The following FKBP15 variants were observed in gnomAD, a reference collection of about 807,000 sequenced individuals.
FKBP15 encodes FK506-binding protein 15.
A neutral mutation model predicts 158.1 loss-of-function variants in FKBP15; 106 were observed. That is an observed-to-expected ratio of 0.67 (90% CI 0.57 to 0.79). FKBP15 has a LOEUF of 0.79. Ranked by LOEUF, FKBP15 falls within the 30% of genes least tolerant of loss-of-function variation. FKBP15 has a pLI of 0.00. For missense variants in FKBP15, 1,287 were observed against 1,479.1 expected, an observed-to-expected ratio of 0.87 and a Z score of 2.13; for synonymous variants, 547 against 548.6, an observed-to-expected ratio of 1.00 and a Z score of 0.04.
intron 12 of FKBP15, among the ~76,000 whole-genome samples, chr9:113,189,320 T>G (rs1830535635): frequency 6.6e-6 from 1 of 152,194 alleles, no homozygotes; most frequent in African/African-American, 2.4e-5. Flanking sequence ...AATGGAACAC[T>G]GGGTTTCCTT....
chr9:113,177,466 T>C (rs931438817), intron 20 of FKBP15, among the ~76,000 whole-genome samples: 1 of 152,210 alleles, frequency 6.6e-6, no homozygotes, highest in Non-Finnish European at 1.5e-5. Context: ...ATTTGCCTCA[T>C]GTGGGCCCAG....
At position 113,165,852 on chromosome 9, in the gene FKBP15, G is replaced by C; in HGVS notation, c.*226C>G. ...AACCTACCAGTCCTTCTTCCAACTT[G>C]CTGCTGAAATCCCAGTGTTCTTGAA... On this transcript the variant is annotated 3_prime_UTR_variant, in exon 28 of 28. Coordinates refer to ENST00000238256, the MANE Select transcript of FKBP15 (RefSeq NM_015258.2). 4.3e-6 allele frequency: 2 copies of C among 466,990 alleles called. No homozygotes were observed. The highest frequency in any genetic ancestry group is 3.9e-6 in the Non-Finnish European group (1 of 254,800). The allele number at this position is 466,990 out of a possible 1,614,324, so 28.9% of individuals were successfully genotyped here. A position where few individuals can be genotyped will look rare whatever the true frequency, so the allele number is the denominator to read the frequency against.
rs754357294 is a variant in FKBP15, at chr9:113,169,684, T to G, written c.3025A>C (p.Lys1009Gln). The G allele has an allele frequency of 6.2e-7, 1 of 1,613,914 alleles. No individual in the cohort carries two copies. The highest frequency in any genetic ancestry group is 2.2e-5 in the East Asian group (1 of 44,870). The change falls in exon 26 of 28, where the codon AAA (lysine) becomes CAA (glutamine). Residue 1009 changes from lysine to glutamine, a missense_variant. Transcript: ENST00000238256. ...AGTGCCTCAGCTTCTGAGTCCCCTT[T>G]CCTTCTGTGTCCATCCTGGGAAGTG... ...LTTSQDGHRR[K>Q]GDSEAEALSE...
rs554779522 is a variant in FKBP15 at position 113,213,640 on chromosome 9, C to T, written c.54-2048G>A. On this transcript the variant is annotated intron_variant, in intron 1 of 27. Coordinates refer to ENST00000238256, the MANE Select transcript of FKBP15 (RefSeq NM_015258.2). ...AATGTCATGGGAATGAGACTGGTGG[C>T]GTTATAAGAAGAGGAAGAAAGATCT... is the stretch of plus-strand genomic sequence containing the variant. Among the ~76,000 whole-genome samples the T allele has an allele frequency of 4.6e-5, 7 of 151,428 alleles. No individual in the cohort carries two copies. The East Asian group carries it at 7.8e-4, about 17-fold the overall frequency.
intron 1 of FKBP15, among the ~76,000 whole-genome samples, chr9:113,213,929 C>G (rs1324230855): frequency 6.6e-6 from 1 of 152,098 alleles, no homozygotes; most frequent in Non-Finnish European, 1.5e-5. Context: ...GCTGTGTTAA[C>G]TCTTTAAAAC....
At chr9:113,182,027 C>T (rs1186343882) in intron 19 of FKBP15, among the ~76,000 whole-genome samples, 1 of 152,120 alleles carries the variant, frequency 6.6e-6, no homozygotes, top group Non-Finnish European at 1.5e-5. Flanking sequence ...CAAAGATTAG[C>T]ATAAGACATA....
intron 6 of FKBP15, among the ~76,000 whole-genome samples, chr9:113,200,861 T>C (rs955187565): frequency 2.6e-5 from 4 of 152,038 alleles, no homozygotes; most frequent in East Asian, 3.9e-4. Context: ...CTGGCCAACA[T>C]GGTGAAACCC....
At chr9:113,206,712 A>ATTTTTTTTTTTTTTTTTTT (rs35902681) in intron 3 of FKBP15, 134 bp from the exon 4 acceptor site, 1 of 258,370 alleles carries the variant, frequency 3.9e-6, no homozygotes, top group Non-Finnish European at 6.8e-6. Flanking sequence ...GCGGTTTAAA[A>ATTTTTTTTTTTTTTTTTTT]TTTTTTTTTT....
rs967721081 is a variant in FKBP15, at chr9:113,171,661, C to A, written c.2578G>T (p.Glu860Ter). ...AQITALTKQN[E>*]QHIKELEKNK... ...TTCTCTAGTTCCTTGATGTGCTGTT[C>A]ATTTTGCTTGGTGAGAGCTGTGATT... is the stretch of plus-strand genomic sequence containing the variant. Residue 860 changes from glutamate to a stop codon, truncating the protein, a stop_gained, in exon 24 of 28, where the codon GAA (glutamate) becomes TAA (stop). Coordinates refer to ENST00000238256, the MANE Select transcript of FKBP15 (RefSeq NM_015258.2). LOFTEE classifies it high-confidence loss of function. 1 of 1,602,828 alleles carries A rather than the reference C, an allele frequency of 6.2e-7. No individual in the cohort carries two copies. Among genetic ancestry groups the A allele is most frequent in the Non-Finnish European group, 8.5e-7 (1 of 1,174,454 alleles).
chr9:113,163,310 C>G lies in FKBP15; in HGVS notation c.*2768G>C, dbSNP rs1830047145. 1 of 158,200 alleles carries G rather than the reference C, an allele frequency of 6.3e-6. No individual in the cohort carries two copies. The highest frequency in any genetic ancestry group is 1.4e-5 in the Non-Finnish European group (1 of 71,992). The allele number at this position is 158,200 out of a possible 1,614,324, so 9.8% of individuals were successfully genotyped here. A position where few individuals can be genotyped will look rare whatever the true frequency, so the allele number is the denominator to read the frequency against. On this transcript the variant is annotated 3_prime_UTR_variant, in exon 28 of 28. Transcript: ENST00000238256. ...GCATGGAACCTGGACACCCTCAGCT[C>G]TCCTGCTTTGTGCCTTATCTACAGG...
chr9:113,190,764 G>A (rs1313869007), intron 11 of FKBP15, among the ~76,000 whole-genome samples, 186 bp from the exon 12 acceptor site: 6 of 152,172 alleles, frequency 3.9e-5, no homozygotes, highest in South Asian at 2.1e-4. Flanking sequence ...ACAATTAATA[G>A]CAGTAAAAAT....
In FKBP15 at chr9:113,221,204, A is replaced by G; in HGVS notation, c.40T>C (p.Ser14Pro). ...AGDEDDTDFL[S>P]PSGGARLASL... Reference sequence around the variant, plus strand: ...TCAGTCACTCACCCGCCGCTCGGCGAGAGGAAATCGGTGTCGTCCTCGTCC... The same window carrying G: ...TCAGTCACTCACCCGCCGCTCGGCGGGAGGAAATCGGTGTCGTCCTCGTCC... The change falls in exon 1 of 28, where the codon TCG (serine) becomes CCG (proline). Residue 14 changes from serine to proline, a missense_variant. Physicochemically the swap from Ser to Pro is moderately conservative, Grantham distance 74. Transcript: ENST00000238256. 1 of 1,610,312 alleles carries G rather than the reference A, an allele frequency of 6.2e-7. No homozygotes were observed. Among genetic ancestry groups the G allele is most frequent in the Non-Finnish European group, 8.5e-7 (1 of 1,178,100 alleles).
At chr9:113,209,006 C>CA (rs5900044) in intron 2 of FKBP15, among the ~76,000 whole-genome samples, 15,854 of 98,190 alleles carry the variant, frequency 0.16, 1,247 homozygotes, top group Non-Finnish European at 0.21. Flanking sequence ...GACTCCATCT[C>CA]AAAAAAAAAA....
At chr9:113,204,627 C>T (rs1830854451) in intron 4 of FKBP15, among the ~76,000 whole-genome samples, 1 of 152,148 alleles carries the variant, frequency 6.6e-6, no homozygotes, top group Non-Finnish European at 1.5e-5. Flanking sequence ...AGACCATGTC[C>T]CACATCAATC....
At chr9:113,176,808 G>T in intron 20 of FKBP15, 135 bp from the exon 21 acceptor site, 1 of 940,190 alleles carries the variant, frequency 1.1e-6, no homozygotes, top group Non-Finnish European at 1.5e-6. Context: ...GAGTGCAGTG[G>T]TGTGATCATA....
intron 23 of FKBP15, among the ~76,000 whole-genome samples, 190 bp downstream of exon 23, chr9:113,173,263 C>T (rs1830245104): frequency 6.6e-6 from 1 of 152,172 alleles, no homozygotes; most frequent in Admixed American, 6.5e-5. Context: ...GCTGTTTTCT[C>T]TTTTTCCAGG....
chr9:113,191,680 G>A (rs865860793), intron 11 of FKBP15, among the ~76,000 whole-genome samples: 31 of 148,760 alleles, frequency 2.1e-4, no homozygotes, highest in Middle Eastern at 3.6e-3. Context: ...TATGGAAAAG[G>A]CAAGGTGCAT....
chr9:113,197,165 CCA>C, intron 8 of FKBP15, 87 bp from the exon 9 acceptor site: 3 of 1,520,428 alleles, frequency 2.0e-6, no homozygotes, highest in Non-Finnish European at 2.7e-6. Flanking sequence ...TTTCACTTAT[CCA>C]CACTTTCACG....
At chr9:113,220,384 AACTGACTACT>A (rs1271534762) in intron 1 of FKBP15, among the ~76,000 whole-genome samples, 2 of 152,216 alleles carry the variant, frequency 1.3e-5, no homozygotes, top group African/African-American at 4.8e-5. Context: ...GAAAAGGCTA[AACTGACTACT>A]AAAAGAGACA....
Sources: gnomAD v4.1 joint callset for allele counts (sites outside exome capture counted in the v4.1 genomes callset) on GRCh38, gnomAD v4.1.1 for gene constraint, MANE v1.5 for transcripts, NCBI Gene and HGNC (gene_info 2026-07-23, HGNC 2026-07-21) for gene names.